Variants in CGRRF1 observed in about 807,000 individuals in gnomAD.
CGRRF1 encodes the protein cell growth regulator with RING finger domain protein 1.
CGRRF1 carries 32 observed loss-of-function variants against 37.2 expected under a neutral mutation model. That is an observed-to-expected ratio of 0.86 (90% CI 0.65 to 1.16). The LOEUF is 1.16. Among genes scored for constraint, CGRRF1 ranks in the 50% most tolerant of loss-of-function variants. CGRRF1 has a pLI of 0.00. For synonymous variants in CGRRF1, 141 were observed against 140.3 expected (o/e 1.00, Z -0.04); for missense variants, 391 against 382.6 (o/e 1.02, Z -0.18).
chr14:54,510,718 G>A (rs973810419), intron 1 of CGRRF1, among the ~76,000 whole-genome samples: 5 of 152,290 alleles, frequency 3.3e-5, no homozygotes, highest in Admixed American at 2.6e-4. Flanking sequence ...AAGGAGAATG[G>A]TCTGTTAGAT....
At chr14:54,527,356 A>T (rs1380848840) in intron 2 of CGRRF1, among the ~76,000 whole-genome samples, 2 of 152,172 alleles carry the variant, frequency 1.3e-5, no homozygotes, top group African/African-American at 4.8e-5. Flanking sequence ...GATATACCTA[A>T]TGCTAAATGA....
Position 54,539,003 on chromosome 14 carries a change from C to T in CGRRF1, c.*620C>T, listed in dbSNP as rs74568258. 0.058 allele frequency: 8,893 copies of T among 152,234 alleles called. 359 individuals carry two copies. The highest frequency in any genetic ancestry group is 0.092 in the Middle Eastern group (27 of 294). 9.4% of individuals were successfully genotyped at this position (152,234 alleles called of 1,614,324 possible). On this transcript the variant is annotated 3_prime_UTR_variant, in exon 6 of 6. Coordinates refer to ENST00000216420, the MANE Select transcript of CGRRF1 (RefSeq NM_006568.3). ...TCTCCGTGTATTATAAAATGATACT[C>T]ATCTATAGGAGGCAGATATATAAAA...
chr14:54,523,506 A>T (rs569040379), intron 2 of CGRRF1, among the ~76,000 whole-genome samples: 8 of 151,012 alleles, frequency 5.3e-5, no homozygotes, highest in Non-Finnish European at 1.0e-4. Context: ...GAATATGCTG[A>T]GTCTCTCTTA....
At chr14:54,516,226 C>T (rs972329531) in intron 1 of CGRRF1, among the ~76,000 whole-genome samples, 3 of 152,128 alleles carry the variant, frequency 2.0e-5, no homozygotes, top group South Asian at 2.1e-4. Flanking sequence ...TAATTCCTCA[C>T]GTAGTTACCA....
chr14:54,525,118 G>A (rs2032391265), intron 2 of CGRRF1, among the ~76,000 whole-genome samples: 1 of 152,146 alleles, frequency 6.6e-6, no homozygotes, highest in South Asian at 2.1e-4. Context: ...GTGGCCATAG[G>A]CTAGAACCTG....
intron 4 of CGRRF1, among the ~76,000 whole-genome samples, chr14:54,535,682 G>A (rs1056342030): frequency 3.3e-5 from 5 of 151,834 alleles, no homozygotes; most frequent in Admixed American, 1.3e-4. Flanking sequence ...AAATTTTTTT[G>A]TCCTAGATTT....
chr14:54,538,336 C>T lies in CGRRF1; in HGVS notation c.952C>T (p.Leu318Phe). 6.2e-7 allele frequency: 1 copy of T among 1,613,124 alleles called. No homozygotes were observed. The highest frequency in any genetic ancestry group is 8.5e-7 in the Non-Finnish European group (1 of 1,179,146). The stretch of plus-strand genomic sequence containing the variant: ...GCAGTTTGTTCAGGAATCTTTTGCA[C>T]TTTGCAGTCAAAAAGAGCAAGATAA... ...CRQFVQESFA[L>F]CSQKEQDKDK... The change falls in exon 6 of 6, where the codon CTT becomes TTT. Residue 318 changes from leucine to phenylalanine, a missense_variant. Leu to Phe is a conservative substitution (Grantham distance 22). Transcript: ENST00000216420.
chr14:54,527,051 G>A (rs1284160802), intron 2 of CGRRF1, among the ~76,000 whole-genome samples: 1 of 152,126 alleles, frequency 6.6e-6, no homozygotes, highest in Non-Finnish European at 1.5e-5. Context: ...GATAGTCTGG[G>A]TAAGGACAGT....
chr14:54,524,122 A>G lies in CGRRF1; in HGVS notation c.244+1529A>G, dbSNP rs1304724695. On this transcript the variant is annotated intron_variant, in intron 2 of 5. Coordinates refer to ENST00000216420, the MANE Select transcript of CGRRF1 (RefSeq NM_006568.3). ...GCTTTCTCTGAGGTCACTAATTACG[A>G]CTTCTGCCCTGCACTTTTGACCCCC... 3.3e-5 allele frequency among the ~76,000 whole-genome samples: 5 copies of G among 152,134 alleles called. No homozygotes were observed. The South Asian group carries it at 1.0e-3, about 32-fold the overall frequency.
intron 1 of CGRRF1, among the ~76,000 whole-genome samples, chr14:54,519,482 C>T (rs2140057094): frequency 6.8e-6 from 1 of 147,378 alleles, no homozygotes; most frequent in African/African-American, 2.5e-5. Flanking sequence ...AACTCCTGGG[C>T]TCAAGCATTC....
chr14:54,520,583 C>A (rs907581718), intron 1 of CGRRF1, among the ~76,000 whole-genome samples: 4 of 152,226 alleles, frequency 2.6e-5, no homozygotes, highest in Non-Finnish European at 5.9e-5. Flanking sequence ...CGGAAGCAAC[C>A]ATTGTTCTCA....
intron 1 of CGRRF1, 116 bp downstream of exon 1, chr14:54,510,179 G>T: frequency 1.4e-6 from 1 of 711,402 alleles, no homozygotes. Context: ...CGGGGATTCG[G>T]TGTCCCCGGG....
intron 2 of CGRRF1, among the ~76,000 whole-genome samples, chr14:54,524,923 C>G (rs1039938281): frequency 3.3e-5 from 5 of 151,848 alleles, no homozygotes; most frequent in Admixed American, 2.6e-4. Context: ...AAGTGTACAC[C>G]CAGCTACCAG....
At chr14:54,537,908 T>G (rs1298575114) in intron 5 of CGRRF1, 79 bp downstream of exon 5, 1 of 1,526,252 alleles carries the variant, frequency 6.6e-7, no homozygotes, top group Non-Finnish European at 8.7e-7. Flanking sequence ...GGAAAGGTGA[T>G]TATATTTTTC....
At chr14:54,536,911 G>A (rs58230752) in intron 4 of CGRRF1, 1 of 152,122 alleles carries the variant, frequency 6.6e-6, no homozygotes, top group South Asian at 2.1e-4. Context: ...CTTACACTGA[G>A]ACTAAAATGG....
chr14:54,529,186 C>G (rs75232209), intron 2 of CGRRF1, among the ~76,000 whole-genome samples: 1 of 151,998 alleles, frequency 6.6e-6, no homozygotes, highest in Non-Finnish European at 1.5e-5. Context: ...GAGTACTACA[C>G]GTTACAGTTT....
rs1179796277 is a variant in CGRRF1 at position 54,530,939 on chromosome 14, G to C, written c.459G>C (p.Gln153His). 1 of 1,596,274 alleles carries C rather than the reference G, an allele frequency of 6.3e-7. No individual in the cohort carries two copies. Among genetic ancestry groups the C allele is most frequent in the Non-Finnish European group, 8.6e-7 (1 of 1,164,026 alleles). Reference sequence around the variant, plus strand: ...ATAGCAAAGAAGAAATATATTGCCAGTTACCAAGAGATACTAAAATTGAAG... The same window carrying C: ...ATAGCAAAGAAGAAATATATTGCCACTTACCAAGAGATACTAAAATTGAAG... ...KKDSKEEIYC[Q>H]LPRDTKIEDF... is the part of the protein sequence containing the mutation. Residue 153 changes from glutamine to histidine, a missense_variant, in exon 4 of 6, where the codon CAG (glutamine) becomes CAC (histidine). Transcript: ENST00000216420.
At position 54,527,727 on chromosome 14, in the gene CGRRF1, GT is replaced by G. The variant is rs762529203; in HGVS notation, c.245-2318del. Reference sequence around the variant, plus strand: ...ATATGTTCTGTAAGCTGTAAGTTGAGTTTTAAAAGGCTTATCCTTCCATTGT... The same window carrying G: ...ATATGTTCTGTAAGCTGTAAGTTGAGTTTAAAAGGCTTATCCTTCCATTGT... On this transcript the variant is annotated intron_variant, in intron 2 of 5. Coordinates refer to ENST00000216420, the MANE Select transcript of CGRRF1 (RefSeq NM_006568.3). Among the ~76,000 whole-genome samples the G allele has an allele frequency of 4.0e-5, 6 of 150,156 alleles. No homozygotes were observed. In the East Asian group the frequency reaches 7.8e-4, roughly 19 times the overall value.
In CGRRF1 at chr14:54,538,497, T is replaced by A; in HGVS notation, c.*114T>A. On this transcript the variant is annotated 3_prime_UTR_variant, in exon 6 of 6. Coordinates refer to ENST00000216420, the MANE Select transcript of CGRRF1 (RefSeq NM_006568.3). ...CTGACCATCAATGAAAATTATATTT[T>A]AACTTCATATTTGTATGGTACTTGG... 1 of 702,240 alleles carries A rather than the reference T, an allele frequency of 1.4e-6. No homozygotes were observed. The highest frequency in any genetic ancestry group is 2.3e-6 in the Non-Finnish European group (1 of 434,246). 43.5% of individuals were successfully genotyped at this position (702,240 alleles called of 1,614,324 possible).
Sources: gnomAD v4.1 joint callset for allele counts (sites outside exome capture counted in the v4.1 genomes callset) on GRCh38, gnomAD v4.1.1 for gene constraint, MANE v1.5 for transcripts, NCBI Gene and HGNC (gene_info 2026-07-23, HGNC 2026-07-21) for gene names.